Variants in MTPAP observed in about 807,000 individuals in gnomAD.
The protein encoded by MTPAP is poly(A) RNA polymerase, mitochondrial.
In MTPAP, 23 loss-of-function variants were observed where a neutral mutation model predicts 48.7. That is an observed-to-expected ratio of 0.47 (90% CI 0.34 to 0.67). MTPAP has a LOEUF of 0.67. MTPAP is among the 30% of genes least tolerant of loss of function. The pLI, the probability that MTPAP is intolerant of heterozygous loss-of-function variation, is 0.01. For missense variants in MTPAP, 614 were observed against 694.3 expected (o/e 0.88, Z 1.30); for synonymous variants, 257 against 254.1 (o/e 1.01, Z -0.11).
In MTPAP at chr10:30,326,477, C is replaced by T; in HGVS notation, c.939G>A (p.Val313=). The change falls in exon 5 of 9, where the codon GTG becomes GTA. Residue 313 remains valine, a synonymous_variant. Coordinates refer to ENST00000263063, the MANE Select transcript of MTPAP (RefSeq NM_018109.4). ...ATCCGGAGGCCTGGTGTGAGAACCT[C>T]ACGAGCGGACACCGGGCATTTAATA... ...QKILNARCPL[V]RFSHQASGFQ... is the part of the protein sequence containing the mutation. 6.2e-7 allele frequency: 1 copy of T among 1,614,138 alleles called. No homozygotes were observed. Among genetic ancestry groups the T allele is most frequent in the Non-Finnish European group, 8.5e-7 (1 of 1,180,022 alleles).
At chr10:30,329,244 A>G (rs1168337289) in intron 4 of MTPAP, among the ~76,000 whole-genome samples, 2 of 149,146 alleles carry the variant, frequency 1.3e-5, no homozygotes, top group East Asian at 4.0e-4. Flanking sequence ...TGAGAATCCA[A>G]AAAAAAAAGG....
At chr10:30,318,791 A>C (rs994385177) in intron 6 of MTPAP, among the ~76,000 whole-genome samples, 1 of 152,208 alleles carries the variant, frequency 6.6e-6, no homozygotes, top group Admixed American at 6.5e-5. Context: ...CTATGAACCC[A>C]ATACTATTCC....
intron 4 of MTPAP, among the ~76,000 whole-genome samples, chr10:30,329,971 A>T (rs930764857): frequency 1.3e-4 from 11 of 83,220 alleles, no homozygotes; most frequent in East Asian, 3.7e-4. Context: ...TTTTTCTTTT[A>T]AAAAAAAAAG....
Position 30,341,513 on chromosome 10 carries a change from T to C in MTPAP, c.285A>G (p.Leu95=), listed in dbSNP as rs1588721482. The change falls in exon 2 of 9, where the codon TTA becomes TTG. Residue 95 remains leucine, a synonymous_variant. Coordinates refer to ENST00000263063, the MANE Select transcript of MTPAP (RefSeq NM_018109.4). ...KISENKFLKY[L]SQFGPINNHF... ...GATTATTAATAGGTCCAAATTGGGATAAATATTTAAGAAACTTGTTTTCAC... is the reference window on the plus strand; with the variant it reads ...GATTATTAATAGGTCCAAATTGGGACAAATATTTAAGAAACTTGTTTTCAC... The C allele has an allele frequency of 1.2e-6, 2 of 1,613,964 alleles. No individual in the cohort carries two copies. The highest frequency in any genetic ancestry group is 8.5e-7 in the Non-Finnish European group (1 of 1,179,896).
In MTPAP at chr10:30,349,003, G is replaced by A; in HGVS notation, c.157+116C>T. 2.7e-6 allele frequency: 4 copies of A among 1,482,972 alleles called. No homozygotes were observed. The South Asian group carries it at 4.6e-5, about 17-fold the overall frequency. 91.9% of individuals were successfully genotyped at this position (1,482,972 alleles called of 1,614,324 possible). A position where few individuals can be genotyped will look rare whatever the true frequency, so the allele number is the denominator to read the frequency against. On this transcript the variant is annotated intron_variant, in intron 1 of 8. Coordinates refer to ENST00000263063, the MANE Select transcript of MTPAP (RefSeq NM_018109.4). Reference sequence around the variant, plus strand: ...AGAGGAGAGGAGAGGACAGGACACAGCCCCACCCTCTTGCCAAAGGGTCCA... The same window carrying A: ...AGAGGAGAGGAGAGGACAGGACACAACCCCACCCTCTTGCCAAAGGGTCCA...
At chr10:30,345,130 A>T (rs1834859130) in intron 1 of MTPAP, among the ~76,000 whole-genome samples, 1 of 152,244 alleles carries the variant, frequency 6.6e-6, no homozygotes, top group Admixed American at 6.5e-5. Flanking sequence ...AAACATATAC[A>T]CTTGTATCCA....
At chr10:30,323,885 A>G (rs1053662968) in intron 5 of MTPAP, among the ~76,000 whole-genome samples, 2 of 152,208 alleles carry the variant, frequency 1.3e-5, no homozygotes, top group Admixed American at 6.5e-5. Flanking sequence ...GGCGCTTTAT[A>G]ATTATTAATA....
At chr10:30,338,976 A>T (rs1471323170) in intron 3 of MTPAP, among the ~76,000 whole-genome samples, 1 of 152,008 alleles carries the variant, frequency 6.6e-6, no homozygotes, top group Non-Finnish European at 1.5e-5. Flanking sequence ...ACAAAAAATT[A>T]GCCGGGCATG....
Position 30,309,815 on chromosome 10 carries a change from A to T in MTPAP, c.*3794T>A, listed in dbSNP as rs1470678980. On this transcript the variant is annotated 3_prime_UTR_variant, in exon 9 of 9. Transcript: ENST00000263063. ...GCAGAAAAAAGTCTTATTTCAACTC[A>T]ACTTTATTTTCCCTTCTCCTTTATG... 6.6e-6 allele frequency: 1 copy of T among 152,216 alleles called. No individual in the cohort carries two copies. The highest frequency in any genetic ancestry group is 1.5e-5 in the Non-Finnish European group (1 of 68,044). The allele number at this position is 152,216 out of a possible 1,614,324, so 9.4% of individuals were successfully genotyped here.
chr10:30,320,439 G>A (rs796486711), intron 6 of MTPAP, among the ~76,000 whole-genome samples: 58 of 152,202 alleles, frequency 3.8e-4, no homozygotes, highest in African/African-American at 9.9e-4. Context: ...GTGAGATTAC[G>A]TGAGCCCGGG....
chr10:30,323,171 G>A (rs1435797033), intron 5 of MTPAP, among the ~76,000 whole-genome samples: 1 of 147,580 alleles, frequency 6.8e-6, no homozygotes, highest in Non-Finnish European at 1.5e-5. Context: ...GTAGATCTAG[G>A]ACCAGGCGTA....
intron 3 of MTPAP, among the ~76,000 whole-genome samples, chr10:30,339,524 A>T (rs2132866788): frequency 6.6e-6 from 1 of 151,686 alleles, no homozygotes; most frequent in African/African-American, 2.4e-5. Flanking sequence ...GAAAGAAGAC[A>T]TTTTAAAATT....
Position 30,312,713 on chromosome 10 carries a change from G to A in MTPAP, c.*896C>T, listed in dbSNP as rs942567641. 4.6e-5 allele frequency: 7 copies of A among 152,016 alleles called. No individual in the cohort carries two copies. The highest frequency in any genetic ancestry group is 1.7e-4 in the African/African-American group (7 of 41,382). 9.4% of individuals were successfully genotyped at this position (152,016 alleles called of 1,614,324 possible). A position where few individuals can be genotyped will look rare whatever the true frequency, so the allele number is the denominator to read the frequency against. On this transcript the variant is annotated 3_prime_UTR_variant, in exon 9 of 9. Transcript: ENST00000263063. ...TCAGTGTGTGCAGATCTGGGTGTACGTGGATGGTCCTGGAACCAATTTTCT... is the reference window on the plus strand; with the variant it reads ...TCAGTGTGTGCAGATCTGGGTGTACATGGATGGTCCTGGAACCAATTTTCT...
chr10:30,341,742 T>A, intron 1 of MTPAP, 102 bp from the exon 2 acceptor site: 1 of 1,192,500 alleles, frequency 8.4e-7, no homozygotes, highest in Non-Finnish European at 1.2e-6. Flanking sequence ...TAAAACCAAC[T>A]TCACCTAATC....
Position 30,311,104 on chromosome 10 carries a change from A to C in MTPAP, c.*2505T>G, listed in dbSNP as rs1222569614. The C allele has an allele frequency of 6.6e-6, 1 of 152,192 alleles. No individual in the cohort carries two copies. Among genetic ancestry groups the C allele is most frequent in the Non-Finnish European group, 1.5e-5 (1 of 68,040 alleles). The allele number at this position is 152,192 out of a possible 1,614,324, so 9.4% of individuals were successfully genotyped here. ...ACCTAAAAAAGAAAATATCTGACTAAATATCTGTGAACAGAAAAAAAAATT... is the reference window on the plus strand; with the variant it reads ...ACCTAAAAAAGAAAATATCTGACTACATATCTGTGAACAGAAAAAAAAATT... On this transcript the variant is annotated 3_prime_UTR_variant, in exon 9 of 9. Transcript: ENST00000263063.
intron 5 of MTPAP, among the ~76,000 whole-genome samples, chr10:30,324,990 C>CAA (rs58151057): frequency 8.9e-5 from 11 of 123,054 alleles, no homozygotes; most frequent in East Asian, 6.9e-4. Flanking sequence ...GACTATGTCT[C>CAA]AAAAAAAAAA....
intron 4 of MTPAP, among the ~76,000 whole-genome samples, chr10:30,329,830 A>T (rs1172085486): frequency 6.6e-6 from 1 of 152,156 alleles, no homozygotes; most frequent in African/African-American, 2.4e-5. Flanking sequence ...TAAATAAATT[A>T]TGGTACATCC....
At chr10:30,322,182 C>T (rs938703426) in intron 6 of MTPAP, among the ~76,000 whole-genome samples, 1 of 152,154 alleles carries the variant, frequency 6.6e-6, no homozygotes, top group Non-Finnish European at 1.5e-5. Flanking sequence ...ACCTTGCCAA[C>T]TGATACAAAG....
chr10:30,320,762 G>T (rs1840715359), intron 6 of MTPAP, among the ~76,000 whole-genome samples: 1 of 152,150 alleles, frequency 6.6e-6, no homozygotes, highest in Non-Finnish European at 1.5e-5. Flanking sequence ...ACCAGTACTT[G>T]TAAGACTGAA....
Sources: gnomAD v4.1 joint callset for allele counts (sites outside exome capture counted in the v4.1 genomes callset) on GRCh38, gnomAD v4.1.1 for gene constraint, MANE v1.5 for transcripts, NCBI Gene and HGNC (gene_info 2026-07-23, HGNC 2026-07-21) for gene names.